RFX3: variants seen among roughly 807,000 people sequenced by gnomAD.
The protein encoded by RFX3 is transcription factor RFX3.
A neutral mutation model predicts 98.6 loss-of-function variants in RFX3; 14 were observed. The ratio of observed to expected loss-of-function variants is 0.14; its 90% CI spans 0.09 to 0.22. The LOEUF (loss-of-function observed/expected upper bound fraction) is 0.22, where lower values mean the gene tolerates loss of function less well. Among genes scored for constraint, RFX3 ranks in the 10% least tolerant of loss-of-function variants. The pLI is 1.00. For missense variants in RFX3, 639 were observed against 926.9 expected, an observed-to-expected ratio of 0.69 and a Z score of 4.03; for synonymous variants, 383 against 328.4, an observed-to-expected ratio of 1.17 and a Z score of -1.80.
chr9:3,329,429 C>CA (rs1056225979), intron 4 of RFX3, among the ~76,000 whole-genome samples: 2 of 108,282 alleles, frequency 1.8e-5, no homozygotes, highest in Admixed American at 9.5e-5. Context: ...AAAAAAAAAA[C>CA]AAAAAACCAC....
intron 1 of RFX3, among the ~76,000 whole-genome samples, chr9:3,517,883 G>A (rs1056212014): frequency 1.3e-5 from 2 of 152,126 alleles, no homozygotes; most frequent in African/African-American, 4.8e-5. Flanking sequence ...ATACAGTCAC[G>A]CACCACATAA....
At chr9:3,441,739 T>C (rs928653858) in intron 1 of RFX3, among the ~76,000 whole-genome samples, 1 of 151,984 alleles carries the variant, frequency 6.6e-6, no homozygotes, top group African/African-American at 2.4e-5. Context: ...AGAGAAGAGA[T>C]AAATATTTTT....
intron 2 of RFX3, among the ~76,000 whole-genome samples, chr9:3,393,133 G>C (rs781463808): frequency 2.0e-5 from 3 of 151,976 alleles, no homozygotes; most frequent in Non-Finnish European, 4.4e-5. Flanking sequence ...TGTTTAAAAT[G>C]CTTAAAACTA....
At chr9:3,255,687 C>T (rs542023151) in intron 14 of RFX3, among the ~76,000 whole-genome samples, 2 of 152,190 alleles carry the variant, frequency 1.3e-5, no homozygotes, top group Admixed American at 6.5e-5. Flanking sequence ...AGACACTGAC[C>T]TACAAAGGTC....
chr9:3,350,826 G>A (rs1028333229), intron 2 of RFX3, among the ~76,000 whole-genome samples: 2 of 152,024 alleles, frequency 1.3e-5, no homozygotes, highest in Non-Finnish European at 2.9e-5. Context: ...ATGACCAAGT[G>A]AAAGAAGGTA....
intron 11 of RFX3, among the ~76,000 whole-genome samples, chr9:3,267,939 A>G (rs1823868575): frequency 1.3e-5 from 2 of 151,962 alleles, no homozygotes; most frequent in African/African-American, 2.4e-5. Context: ...CCCCAAATCT[A>G]TAAATATTAC....
At chr9:3,489,026 A>G (rs540207823) in intron 1 of RFX3, 175 of 331,344 alleles carry the variant, frequency 5.3e-4, no homozygotes, top group African/African-American at 3.1e-3. Flanking sequence ...TTAGAAATTA[A>G]AGTGTAGTAT....
Position 3,273,864 on chromosome 9 carries a change from C to CAAA in RFX3, c.1086+1633_1086+1635dup, listed in dbSNP as rs34744889. 4.3e-3 allele frequency among the ~76,000 whole-genome samples: 299 copies of CAAA among 69,514 alleles called. 2 individuals are homozygous for CAAA. Among genetic ancestry groups the CAAA allele is most frequent in the African/African-American group, 0.012 (291 of 23,306 alleles). The allele number at this position is 69,514 out of a possible 152,430, so 45.6% of individuals were successfully genotyped here. On this transcript the variant is annotated intron_variant, in intron 9 of 16. Coordinates refer to ENST00000617270, the MANE Select transcript of RFX3 (RefSeq NM_001282116.2). ...TGGGTGACAGAGTGAGACTCTGTCT[C>CAAA]AAAAAAAAAAAAAAAAAATCCATAT...
At chr9:3,440,025 T>C (rs1564103338) in intron 1 of RFX3, among the ~76,000 whole-genome samples, 1 of 152,056 alleles carries the variant, frequency 6.6e-6, no homozygotes, top group Admixed American at 6.5e-5. Flanking sequence ...ATCATCTAAA[T>C]AGGCACCTAA....
At chr9:3,370,960 G>A (rs1409988620) in intron 2 of RFX3, among the ~76,000 whole-genome samples, 1 of 152,030 alleles carries the variant, frequency 6.6e-6, no homozygotes, top group Non-Finnish European at 1.5e-5. Flanking sequence ...GACCAAGAAT[G>A]TAATTAAAAG....
At chr9:3,457,934 A>G (rs1395688659) in intron 1 of RFX3, among the ~76,000 whole-genome samples, 4 of 152,158 alleles carry the variant, frequency 2.6e-5, no homozygotes, top group Non-Finnish European at 5.9e-5. Flanking sequence ...CAAGATAAAA[A>G]TAAGTGCTGT....
intron 2 of RFX3, among the ~76,000 whole-genome samples, chr9:3,387,601 A>T: frequency 6.6e-6 from 1 of 151,854 alleles, no homozygotes; most frequent in South Asian, 2.1e-4. Context: ...CTAAAAATAA[A>T]TCTCTCCAAG....
chr9:3,238,930 C>G (rs1215594427), intron 15 of RFX3, among the ~76,000 whole-genome samples: 3 of 150,930 alleles, frequency 2.0e-5, no homozygotes, highest in African/African-American at 7.3e-5. Flanking sequence ...GAGGCAGAGG[C>G]TGTGTCATAG....
At chr9:3,314,160 T>C (rs7024929) in intron 4 of RFX3, among the ~76,000 whole-genome samples, 4,453 of 152,220 alleles carry the variant, frequency 0.029, 222 homozygotes, top group African/African-American at 0.1. Flanking sequence ...CCCATCAGAC[T>C]AACAGCGGAT....
intron 1 of RFX3, among the ~76,000 whole-genome samples, chr9:3,433,757 G>C (rs1564095997): frequency 6.6e-6 from 1 of 152,238 alleles, no homozygotes; most frequent in East Asian, 1.9e-4. Flanking sequence ...CACGCTACTT[G>C]TTTACGGACT....
At chr9:3,486,497 G>A (rs1850287212) in intron 1 of RFX3, among the ~76,000 whole-genome samples, 2 of 152,054 alleles carry the variant, frequency 1.3e-5, no homozygotes, top group Non-Finnish European at 2.9e-5. Flanking sequence ...TCTCACTGCT[G>A]TCAATACCCA....
At chr9:3,228,019 G>A (rs1007343433) in intron 16 of RFX3, among the ~76,000 whole-genome samples, 2 of 152,102 alleles carry the variant, frequency 1.3e-5, no homozygotes, top group African/African-American at 2.4e-5. Flanking sequence ...ACCTGTCGCC[G>A]ATAGTCAATA....
intron 1 of RFX3, among the ~76,000 whole-genome samples, chr9:3,517,614 G>C (rs1187839048): frequency 2.0e-5 from 3 of 152,178 alleles, no homozygotes; most frequent in African/African-American, 4.8e-5. Context: ...AGTGAGAAAG[G>C]AGAATCCAGG....
intron 5 of RFX3, among the ~76,000 whole-genome samples, chr9:3,300,555 T>A (rs993200134): frequency 1.3e-5 from 2 of 151,590 alleles, no homozygotes; most frequent in African/African-American, 4.8e-5. Context: ...TTGAAAAAAA[T>A]GGTCTTATTT....
Sources: allele counts gnomAD v4.1 joint callset (sites outside exome capture counted in the v4.1 genomes callset), GRCh38; gene constraint gnomAD v4.1.1; transcripts MANE v1.5; gene names NCBI Gene and HGNC (gene_info 2026-07-23, HGNC 2026-07-21).